ST7: variants seen among roughly 807,000 people sequenced by gnomAD.
ST7 encodes the protein suppressor of tumorigenicity 7 protein.
A neutral mutation model predicts 78.7 loss-of-function variants in ST7; 28 were observed. The observed-to-expected ratio is 0.36, with a 90% CI of 0.26 to 0.49. The LOEUF (loss-of-function observed/expected upper bound fraction) is 0.49. Ranked by LOEUF, ST7 falls within the 20% of genes least tolerant of loss-of-function variation. ST7 has a pLI of 0.99. For synonymous variants in ST7, 247 were observed against 249.6 expected (o/e 0.99, Z 0.10); for missense variants, 418 against 696.0 (o/e 0.60, Z 4.49).
At chr7:117,197,613 G>A (rs1348987967) in intron 12 of ST7, among the ~76,000 whole-genome samples, 1 of 152,164 alleles carries the variant, frequency 6.6e-6, no homozygotes, top group Non-Finnish European at 1.5e-5. Flanking sequence ...AAGAAGGGGA[G>A]CAATAAATAT....
intron 1 of ST7, among the ~76,000 whole-genome samples, chr7:117,080,598 T>G (rs879633901): frequency 6.6e-6 from 1 of 152,184 alleles, no homozygotes; most frequent in Non-Finnish European, 1.5e-5. Flanking sequence ...CCCACGTGTG[T>G]AGTGATTTTT....
intron 2 of ST7, among the ~76,000 whole-genome samples, chr7:117,104,481 G>A (rs1801806503): frequency 1.3e-5 from 2 of 152,158 alleles, no homozygotes; most frequent in South Asian, 2.1e-4. Flanking sequence ...ACAGAAGCTG[G>A]TGAAGATGTG....
intron 1 of ST7, among the ~76,000 whole-genome samples, chr7:117,070,174 T>C (rs893203044): frequency 6.6e-6 from 1 of 152,202 alleles, no homozygotes; most frequent in African/African-American, 2.4e-5. Context: ...GTGATGGAAT[T>C]TGGTTAATTA....
intron 1 of ST7, among the ~76,000 whole-genome samples, chr7:117,000,688 A>G (rs1446916960): frequency 6.6e-6 from 1 of 152,220 alleles, no homozygotes; most frequent in Non-Finnish European, 1.5e-5. Flanking sequence ...GGAAATACAT[A>G]TGAAGGTTGC....
At chr7:117,049,925 G>A (rs954352307) in intron 1 of ST7, among the ~76,000 whole-genome samples, 2 of 151,394 alleles carry the variant, frequency 1.3e-5, no homozygotes, top group Non-Finnish European at 2.9e-5. Context: ...GCCAGACCTG[G>A]CCGGGCCTGG....
At chr7:117,064,820 G>A (rs537084792) in intron 1 of ST7, among the ~76,000 whole-genome samples, 11 of 152,250 alleles carry the variant, frequency 7.2e-5, no homozygotes, top group East Asian at 1.9e-4. Context: ...AGAGTTTCCC[G>A]GGAAGTGCGT....
intron 1 of ST7, among the ~76,000 whole-genome samples, chr7:117,051,828 A>G (rs1295095409): frequency 6.6e-6 from 1 of 152,188 alleles, no homozygotes; most frequent in African/African-American, 2.4e-5. Flanking sequence ...CAAGTTCCTA[A>G]CTTGAGGAAT....
At chr7:117,133,014 C>A (rs145562938) in intron 6 of ST7, among the ~76,000 whole-genome samples, 1 of 151,876 alleles carries the variant, frequency 6.6e-6, no homozygotes, top group Non-Finnish European at 1.5e-5. Flanking sequence ...ATCGTAGCTG[C>A]GGATCTTAAA....
intron 1 of ST7, among the ~76,000 whole-genome samples, chr7:117,044,505 C>T (rs1797391094): frequency 6.6e-6 from 1 of 152,082 alleles, no homozygotes; most frequent in South Asian, 2.1e-4. Context: ...TGCCACCACG[C>T]CCATCTAATT....
intron 1 of ST7, among the ~76,000 whole-genome samples, chr7:117,094,231 G>C (rs1017832956): frequency 6.6e-6 from 1 of 152,126 alleles, no homozygotes; most frequent in African/African-American, 2.4e-5. Flanking sequence ...CCTTAACTGC[G>C]CTTCACTTTC....
At chr7:117,157,850 G>A (rs919170036) in intron 9 of ST7, among the ~76,000 whole-genome samples, 4 of 152,138 alleles carry the variant, frequency 2.6e-5, no homozygotes, top group African/African-American at 4.8e-5. Context: ...GCATCAAATT[G>A]CTCGGGTTTG....
intron 1 of ST7, among the ~76,000 whole-genome samples, chr7:116,988,718 A>G (rs1794292114): frequency 2.0e-5 from 3 of 152,228 alleles, no homozygotes; most frequent in Non-Finnish European, 2.9e-5. Context: ...ATCATAATCT[A>G]TAAAGGATAC....
At chr7:117,014,384 T>C (rs1485712046) in intron 1 of ST7, among the ~76,000 whole-genome samples, 2 of 152,242 alleles carry the variant, frequency 1.3e-5, no homozygotes, top group East Asian at 3.8e-4. Context: ...CCATATGTCC[T>C]TTCCAGCTGA....
intron 12 of ST7, among the ~76,000 whole-genome samples, chr7:117,209,353 G>C (rs1433448110): frequency 6.6e-6 from 1 of 152,122 alleles, no homozygotes; most frequent in Non-Finnish European, 1.5e-5. Flanking sequence ...TGATACATGT[G>C]TATAGAAAAA....
intron 1 of ST7, among the ~76,000 whole-genome samples, chr7:117,094,331 TGCA>T (rs1800862708): frequency 6.6e-6 from 1 of 152,238 alleles, no homozygotes; most frequent in Admixed American, 6.5e-5. Flanking sequence ...CCCTAGTCTC[TGCA>T]GCCATCAGTA....
intron 1 of ST7, among the ~76,000 whole-genome samples, chr7:117,036,400 A>G (rs1416838166): frequency 6.6e-6 from 1 of 152,246 alleles, no homozygotes; most frequent in African/African-American, 2.4e-5. Context: ...ATAACATGAC[A>G]TTTATCATGA....
chr7:117,014,893 A>G, intron 1 of ST7: 1 of 921,250 alleles, frequency 1.1e-6, no homozygotes, highest in Non-Finnish European at 1.5e-6. Context: ...TTCATGTCAC[A>G]TGGCAGGAGG....
intron 1 of ST7, among the ~76,000 whole-genome samples, chr7:116,977,556 A>G (rs1008750919): frequency 1.3e-5 from 2 of 152,070 alleles, no homozygotes; most frequent in Admixed American, 6.6e-5. Context: ...ATGTTTTTAT[A>G]TATTTTTTTA....
chr7:117,182,607 T>C (rs1808861920), intron 10 of ST7: 1 of 151,538 alleles, frequency 6.6e-6, no homozygotes, highest in Non-Finnish European at 1.5e-5. Flanking sequence ...GAATTGGAGG[T>C]GGGGGGTATT....
Sources: allele counts gnomAD v4.1 joint callset (sites outside exome capture counted in the v4.1 genomes callset), GRCh38; gene constraint gnomAD v4.1.1; transcripts MANE v1.5; gene names NCBI Gene and HGNC (gene_info 2026-07-23, HGNC 2026-07-21).